Variants in NTM observed in about 807,000 individuals in gnomAD.
NTM encodes neurotrimin.
Under a neutral mutation model 42.1 loss-of-function variants are expected in NTM, and 13 were observed. That is an observed-to-expected ratio of 0.31 (90% CI 0.20 to 0.49). NTM has a LOEUF of 0.49. Ranked by LOEUF, NTM falls within the 20% of genes least tolerant of loss-of-function variation. The pLI is 0.99. For synonymous variants in NTM, 187 were observed against 179.2 expected, an observed-to-expected ratio of 1.04 and a Z score of -0.35; for missense variants, 373 against 452.8, an observed-to-expected ratio of 0.82 and a Z score of 1.60.
intron 2 of NTM, among the ~76,000 whole-genome samples, chr11:132,144,312 C>T (rs1331489813): frequency 6.6e-6 from 1 of 152,198 alleles, no homozygotes; most frequent in African/African-American, 2.4e-5. Flanking sequence ...CCTACTGAAT[C>T]AGCATCTGTA....
chr11:131,857,991 T>G (rs1458334951), intron 1 of NTM, among the ~76,000 whole-genome samples: 1 of 151,366 alleles, frequency 6.6e-6, no homozygotes. Flanking sequence ...TCCCCCAATT[T>G]CCTTCATACC....
intron 1 of NTM, among the ~76,000 whole-genome samples, chr11:131,735,835 G>GGGGGGT (rs1491265028): frequency 8.2e-6 from 1 of 121,298 alleles, no homozygotes; most frequent in African/African-American, 2.7e-5. Flanking sequence ...CCATTCATAA[G>GGGGGGT]GTGTGTGTGT....
Position 131,459,504 on chromosome 11 carries a change from G to GA in NTM, c.82+88624dup, listed in dbSNP as rs5795725. Reference sequence around the variant, plus strand: ...CCAGCTTTTAGAAAGAAAGACTATAGAAAAAAAAGAATTAATAGGATGATT... The same window carrying GA: ...CCAGCTTTTAGAAAGAAAGACTATAGAAAAAAAAAGAATTAATAGGATGATT... On this transcript the variant is annotated intron_variant, in intron 1 of 8. Coordinates refer to ENST00000683400, the MANE Select transcript of NTM (RefSeq NM_001352005.2). Among the ~76,000 whole-genome samples the GA allele has an allele frequency of 2.6e-4, 39 of 151,742 alleles. No homozygotes were observed. The South Asian group carries it at 7.7e-3, about 30-fold the overall frequency.
intron 2 of NTM, among the ~76,000 whole-genome samples, chr11:132,064,727 C>T (rs2081183023): frequency 6.6e-6 from 1 of 152,178 alleles, no homozygotes; most frequent in South Asian, 2.1e-4. Flanking sequence ...CTTTGAACCC[C>T]ATGGTTCCAG....
At chr11:131,832,656 G>A (rs559449849) in intron 1 of NTM, among the ~76,000 whole-genome samples, 12 of 152,242 alleles carry the variant, frequency 7.9e-5, no homozygotes, top group African/African-American at 2.2e-4. Flanking sequence ...TTCTAATTCC[G>A]TGGCCTTAGA....
intron 1 of NTM, among the ~76,000 whole-genome samples, chr11:131,837,365 C>T (rs2043635465): frequency 6.6e-6 from 1 of 152,030 alleles, no homozygotes; most frequent in South Asian, 2.1e-4. Context: ...AATCCTAAAC[C>T]ACTCTTCTCA....
chr11:131,567,014 A>G (rs1210103397), intron 1 of NTM, among the ~76,000 whole-genome samples: 2 of 151,890 alleles, frequency 1.3e-5, no homozygotes, highest in Non-Finnish European at 2.9e-5. Flanking sequence ...TTGACCCTCA[A>G]GGTGGTCAGA....
chr11:131,396,701 G>T (rs1393248474), intron 1 of NTM, among the ~76,000 whole-genome samples: 1 of 152,038 alleles, frequency 6.6e-6, no homozygotes, highest in Non-Finnish European at 1.5e-5. Flanking sequence ...AGGCACTGTG[G>T]TGGGCAACTG....
chr11:132,115,916 C>T (rs1591612024), intron 2 of NTM, among the ~76,000 whole-genome samples: 1 of 152,164 alleles, frequency 6.6e-6, no homozygotes, highest in South Asian at 2.1e-4. Context: ...AGCAAAACAA[C>T]CTAAAAATGC....
chr11:131,661,079 C>A (rs1301506726), intron 1 of NTM: 1 of 1,285,776 alleles, frequency 7.8e-7, no homozygotes, highest in South Asian at 1.2e-5. Flanking sequence ...TCATCTTTTG[C>A]ACAGACTGGT....
At chr11:131,552,073 G>C (rs754441554) in intron 1 of NTM, among the ~76,000 whole-genome samples, 5 of 152,062 alleles carry the variant, frequency 3.3e-5, no homozygotes, top group Admixed American at 6.5e-5. Context: ...AGGTAACACA[G>C]AGAGGCAAGT....
intron 2 of NTM, among the ~76,000 whole-genome samples, chr11:132,037,933 A>G (rs2076705844): frequency 6.6e-6 from 1 of 152,252 alleles, no homozygotes; most frequent in South Asian, 2.1e-4. Flanking sequence ...GTCCGTGCAC[A>G]CAAAGTAATT....
chr11:131,641,687 T>C (rs77035189), intron 1 of NTM, among the ~76,000 whole-genome samples: 2,126 of 152,128 alleles, frequency 0.014, 53 homozygotes, highest in African/African-American at 0.048. Flanking sequence ...TGCAAATTAA[T>C]TCAGTGGATA....
At chr11:131,519,993 T>C (rs891693210) in intron 1 of NTM, among the ~76,000 whole-genome samples, 1 of 151,678 alleles carries the variant, frequency 6.6e-6, no homozygotes, top group Non-Finnish European at 1.5e-5. Flanking sequence ...GAGGTAGTTA[T>C]GACCAGCCCA....
intron 1 of NTM, among the ~76,000 whole-genome samples, chr11:131,380,464 G>T (rs1942533343): frequency 6.6e-6 from 1 of 152,092 alleles, no homozygotes; most frequent in South Asian, 2.1e-4. Flanking sequence ...GCCCGCCTCA[G>T]CCTCTCAAAG....
chr11:132,334,986 C>T, intron 8 of NTM, 60 bp from the exon 9 acceptor site: 7 of 1,585,986 alleles, frequency 4.4e-6, no homozygotes, highest in South Asian at 1.1e-5. Flanking sequence ...ACCAGGCAAC[C>T]ACCGGGCTTT....
chr11:131,507,600 A>T lies in NTM; in HGVS notation c.82+136712A>T, dbSNP rs1426249928. ...TTTTTCCAATTCTGTGAAGAAAGTC[A>T]TTGGTAGCTTGATGGGGATGGCATT... On this transcript the variant is annotated intron_variant, in intron 1 of 8. Coordinates refer to ENST00000683400, the MANE Select transcript of NTM (RefSeq NM_001352005.2). Among the ~76,000 whole-genome samples, 345 of 150,324 alleles carry T rather than the reference A, an allele frequency of 2.3e-3. 1 individual carries two copies. Among genetic ancestry groups the T allele is most frequent in the Non-Finnish European group, 3.9e-3 (265 of 67,452 alleles).
intron 4 of NTM, among the ~76,000 whole-genome samples, chr11:132,255,210 A>T (rs1468997660): frequency 2.0e-5 from 3 of 152,046 alleles, no homozygotes; most frequent in African/African-American, 7.2e-5. Context: ...TTTGAGTCTG[A>T]TCTCTTTCTA....
At chr11:131,829,078 CA>C (rs150471872) in intron 1 of NTM, among the ~76,000 whole-genome samples, 4,850 of 152,084 alleles carry the variant, frequency 0.032, 217 homozygotes, top group African/African-American at 0.098. Context: ...CCTCCTTAAT[CA>C]CCCCTTTGCC....
Sources: gnomAD v4.1 joint callset for allele counts (sites outside exome capture counted in the v4.1 genomes callset) on GRCh38, gnomAD v4.1.1 for gene constraint, MANE v1.5 for transcripts, NCBI Gene and HGNC (gene_info 2026-07-23, HGNC 2026-07-21) for gene names.